The following GRM5 variants were observed in gnomAD, a reference collection of about 807,000 sequenced individuals.
GRM5 encodes glutamate metabotropic receptor 5, also known as metabotropic glutamate receptor 5.
In GRM5, 19 loss-of-function variants were observed where a neutral mutation model predicts 83.1. That is an observed-to-expected ratio of 0.23 (90% confidence interval 0.16 to 0.34). GRM5 has a LOEUF of 0.34. GRM5 is among the 10% of genes least tolerant of loss of function. GRM5 has a pLI of 1.00. For missense variants in GRM5, 1,160 were observed against 1,588.3 expected (o/e 0.73, Z 4.58); for synonymous variants, 675 against 633.6 (o/e 1.07, Z -0.98).
Position 88,505,329 on chromosome 11 carries a change from G to T in GRM5, c.*3263C>A, listed in dbSNP as rs1347679043. ...GGAGACTAGCATAGGAAATGCTTTT[G>T]TTTTTTGTTATTCTTAAAAAGAGCA... On this transcript the variant is annotated 3_prime_UTR_variant, in exon 10 of 10. Coordinates refer to ENST00000305447, the MANE Select transcript of GRM5 (RefSeq NM_001143831.3). 3 of 152,166 alleles carry T rather than the reference G, an allele frequency of 2.0e-5. No individual in the cohort carries two copies. 9.4% of individuals were successfully genotyped at this position (152,166 alleles called of 1,614,324 possible). A position where few individuals can be genotyped will look rare whatever the true frequency, so the allele number is the denominator to read the frequency against.
chr11:88,699,299 G>A (rs1210257412), intron 3 of GRM5, among the ~76,000 whole-genome samples: 2 of 152,106 alleles, frequency 1.3e-5, no homozygotes, highest in Non-Finnish European at 2.9e-5. Context: ...GCATATGAAT[G>A]AAAAACTCAT....
At chr11:88,985,372 G>A (rs1311416419) in intron 2 of GRM5, among the ~76,000 whole-genome samples, 3 of 151,998 alleles carry the variant, frequency 2.0e-5, no homozygotes, top group African/African-American at 7.2e-5. Context: ...ATTCTTCTGA[G>A]TATAAACTAA....
chr11:88,722,928 G>T (rs571544653), intron 3 of GRM5, among the ~76,000 whole-genome samples: 1 of 151,850 alleles, frequency 6.6e-6, no homozygotes, highest in Non-Finnish European at 1.5e-5. Context: ...TATGGCTTTT[G>T]ACAAATTTAT....
chr11:88,768,881 G>C (rs1439685430), intron 3 of GRM5, among the ~76,000 whole-genome samples: 1 of 152,016 alleles, frequency 6.6e-6, no homozygotes, highest in East Asian at 1.9e-4. Flanking sequence ...GTGTAGCCCA[G>C]ATGACACCTT....
intron 2 of GRM5, chr11:89,009,008 T>A (rs1322913800): frequency 4.4e-6 from 3 of 677,304 alleles, no homozygotes; most frequent in Admixed American, 2.3e-5. Context: ...GAGCCTAATT[T>A]ACCTTTAGCC....
intron 4 of GRM5, among the ~76,000 whole-genome samples, chr11:88,605,626 A>G (rs1413153532): frequency 1.3e-5 from 2 of 152,224 alleles, no homozygotes; most frequent in Non-Finnish European, 2.9e-5. Flanking sequence ...GAGCTTGTAC[A>G]TAAGAAACTT....
At chr11:88,913,124 G>A (rs1945527590) in intron 2 of GRM5, among the ~76,000 whole-genome samples, 1 of 152,116 alleles carries the variant, frequency 6.6e-6, no homozygotes, top group Non-Finnish European at 1.5e-5. Flanking sequence ...AGTTCCTACA[G>A]TATCTGTTCA....
intron 4 of GRM5, among the ~76,000 whole-genome samples, chr11:88,633,624 G>A (rs1939040535): frequency 1.3e-5 from 2 of 152,176 alleles, no homozygotes; most frequent in South Asian, 2.1e-4. Context: ...TTGGCCTCTC[G>A]AGTAGCTGGG....
intron 2 of GRM5, among the ~76,000 whole-genome samples, chr11:88,919,385 A>G (rs984877149): frequency 3.3e-5 from 5 of 150,550 alleles, no homozygotes. Context: ...ACACTAGAGA[A>G]CACAGATATA....
chr11:88,583,173 A>C (rs1193778870), intron 7 of GRM5, among the ~76,000 whole-genome samples: 2 of 151,936 alleles, frequency 1.3e-5, no homozygotes, highest in Non-Finnish European at 2.9e-5. Flanking sequence ...AATTAAATGC[A>C]CATTTGTAAA....
In GRM5 at chr11:88,505,233, A is replaced by G. The variant is rs1410375563; in HGVS notation, c.*3359T>C. On this transcript the variant is annotated 3_prime_UTR_variant, in exon 10 of 10. Coordinates refer to ENST00000305447, the MANE Select transcript of GRM5 (RefSeq NM_001143831.3). Reference sequence around the variant, plus strand: ...TAGAGATTCTGACAGCTTGAGGGTTATTAATAAGCTGTTGCTAAATGTGAA... The same window carrying G: ...TAGAGATTCTGACAGCTTGAGGGTTGTTAATAAGCTGTTGCTAAATGTGAA... The G allele has an allele frequency of 6.6e-6, 1 of 152,230 alleles. No homozygotes were observed. The highest frequency in any genetic ancestry group is 2.4e-5 in the African/African-American group (1 of 41,468). The allele number at this position is 152,230 out of a possible 1,614,324, so 9.4% of individuals were successfully genotyped here. A position where few individuals can be genotyped will look rare whatever the true frequency, so the allele number is the denominator to read the frequency against.
intron 2 of GRM5, among the ~76,000 whole-genome samples, chr11:89,026,465 G>A (rs1213056927): frequency 6.6e-6 from 1 of 152,166 alleles, no homozygotes; most frequent in East Asian, 1.9e-4. Context: ...ACTGAATATA[G>A]ATAGCATGGT....
chr11:88,656,634 G>C (rs1174677299), intron 3 of GRM5, among the ~76,000 whole-genome samples: 1 of 151,912 alleles, frequency 6.6e-6, no homozygotes, highest in Non-Finnish European at 1.5e-5. Flanking sequence ...GTTTAACTTG[G>C]CCTCCAAGAA....
intron 8 of GRM5, among the ~76,000 whole-genome samples, chr11:88,549,536 T>C (rs984632779): frequency 6.6e-6 from 1 of 151,686 alleles, no homozygotes; most frequent in African/African-American, 2.4e-5. Context: ...CCAAGGATTG[T>C]TGAAATTGGG....
intron 8 of GRM5, among the ~76,000 whole-genome samples, chr11:88,531,528 T>G (rs1406214194): frequency 6.6e-6 from 1 of 152,208 alleles, no homozygotes; most frequent in Non-Finnish European, 1.5e-5. Context: ...TTCTCCATCC[T>G]GTATGAGTGA....
At chr11:88,960,809 C>T (rs780469517) in intron 2 of GRM5, among the ~76,000 whole-genome samples, 5 of 151,974 alleles carry the variant, frequency 3.3e-5, no homozygotes, top group African/African-American at 1.2e-4. Context: ...ACCAAATGAC[C>T]GTAAGATATT....
chr11:88,864,994 C>G (rs1191608795), intron 2 of GRM5, among the ~76,000 whole-genome samples: 2 of 151,778 alleles, frequency 1.3e-5, no homozygotes, highest in Non-Finnish European at 2.9e-5. Context: ...GTTGAACCAG[C>G]CTTACAAGGG....
At chr11:89,010,321 A>G (rs192668474) in intron 2 of GRM5, among the ~76,000 whole-genome samples, 2 of 152,298 alleles carry the variant, frequency 1.3e-5, no homozygotes, top group Admixed American at 6.5e-5. Flanking sequence ...ACACTACCCT[A>G]TAAACATGGC....
chr11:88,653,457 GA>G, intron 3 of GRM5, 54 bp from the exon 4 acceptor site: 12 of 1,188,434 alleles, frequency 1.0e-5, no homozygotes, highest in Non-Finnish European at 1.4e-5. Flanking sequence ...CTAAGCAAAT[GA>G]GTCCATTTGC....
Sources: allele counts gnomAD v4.1 joint callset (sites outside exome capture counted in the v4.1 genomes callset), GRCh38; gene constraint gnomAD v4.1.1; transcripts MANE v1.5; gene names NCBI Gene and HGNC (gene_info 2026-07-23, HGNC 2026-07-21).